Variants in RUNX1 observed in about 807,000 individuals in gnomAD.
RUNX1 encodes the protein runt-related transcription factor 1.
In RUNX1, 19 loss-of-function variants were observed where a neutral mutation model predicts 42.8. That is an observed-to-expected ratio of 0.44 (90% CI 0.31 to 0.65). The LOEUF (loss-of-function observed/expected upper bound fraction) is 0.65. Among genes scored for constraint, RUNX1 ranks in the 30% least tolerant of loss-of-function variants. The probability of loss-of-function intolerance (pLI) is 0.07; values close to 1 mark genes in which losing one functional copy is unlikely to be tolerated. For synonymous variants in RUNX1, 271 were observed against 289.4 expected (o/e 0.94, Z 0.64); for missense variants, 528 against 672.0 (o/e 0.79, Z 2.37).
intron 2 of RUNX1, among the ~76,000 whole-genome samples, chr21:35,046,324 A>G (rs1413144297): frequency 6.6e-6 from 1 of 152,118 alleles, no homozygotes; most frequent in Non-Finnish European, 1.5e-5. Flanking sequence ...CTTTCCCCCC[A>G]ATTTCCACAT....
intron 2 of RUNX1, among the ~76,000 whole-genome samples, chr21:34,955,292 G>C (rs1480970366): frequency 6.6e-6 from 1 of 151,848 alleles, no homozygotes; most frequent in East Asian, 1.9e-4. Context: ...GAGGATGATT[G>C]TTCTAAGCAG....
At chr21:34,805,605 T>C (rs1353195391) in intron 7 of RUNX1, among the ~76,000 whole-genome samples, 2 of 152,206 alleles carry the variant, frequency 1.3e-5, no homozygotes, top group African/African-American at 4.8e-5. Context: ...TACCAAACTA[T>C]TATTCTGCAT....
At chr21:34,940,034 T>C (rs1183431885) in intron 2 of RUNX1, among the ~76,000 whole-genome samples, 1 of 152,178 alleles carries the variant, frequency 6.6e-6, no homozygotes. Flanking sequence ...CCTCATAACT[T>C]TTCTGGATTC....
At position 35,038,611 on chromosome 21, in the gene RUNX1, CTCTG is replaced by C. The variant is rs1487538892; in HGVS notation, c.58+10227_58+10230del. On this transcript the variant is annotated intron_variant, in intron 2 of 8. Coordinates refer to ENST00000675419, the MANE Select transcript of RUNX1 (RefSeq NM_001754.5). ...TCTCTCTCTCTCTCTCTCTCTCTCTCTCTGTGTGTGTGTGTGTGTGTGTGTGTGT... is the reference window on the plus strand; with the variant it reads ...TCTCTCTCTCTCTCTCTCTCTCTCTCTGTGTGTGTGTGTGTGTGTGTGTGT... The C allele has an allele frequency of 3.2e-3, 958 of 301,436 alleles. 3 individuals carry two copies. Among genetic ancestry groups the C allele is most frequent in the East Asian group, 8.3e-3 (78 of 9,378 alleles). 18.7% of individuals were successfully genotyped at this position (301,436 alleles called of 1,614,324 possible).
chr21:34,810,041 G>C (rs147890439), intron 7 of RUNX1, among the ~76,000 whole-genome samples: 110 of 152,304 alleles, frequency 7.2e-4, no homozygotes, highest in African/African-American at 2.5e-3. Flanking sequence ...CCAGCTCTCT[G>C]TGCCCAAGTG....
chr21:34,991,099 T>A (rs889332640), intron 2 of RUNX1, among the ~76,000 whole-genome samples: 4 of 152,164 alleles, frequency 2.6e-5, no homozygotes, highest in Admixed American at 6.5e-5. Context: ...CCAGGAGCAA[T>A]GCTGGAAGCC....
chr21:34,828,912 A>T (rs1029446959), intron 7 of RUNX1, among the ~76,000 whole-genome samples: 2 of 152,234 alleles, frequency 1.3e-5, no homozygotes, highest in Admixed American at 6.5e-5. Flanking sequence ...ATAATATATA[A>T]GACTACGACA....
intron 5 of RUNX1, among the ~76,000 whole-genome samples, chr21:34,863,423 T>C (rs2057605404): frequency 6.6e-6 from 1 of 152,240 alleles, no homozygotes; most frequent in Non-Finnish European, 1.5e-5. Context: ...CTCTGGCAGT[T>C]GAGCACTCAT....
chr21:35,038,651 T>C (rs879076040), intron 2 of RUNX1: 2 of 401,606 alleles, frequency 5.0e-6, no homozygotes, highest in South Asian at 1.6e-5. Context: ...GTGTGTGAGA[T>C]AGAGAGAGAG....
intron 2 of RUNX1, among the ~76,000 whole-genome samples, chr21:34,951,592 A>C (rs576795916): frequency 3.3e-5 from 5 of 150,622 alleles, no homozygotes; most frequent in Non-Finnish European, 7.3e-5. Context: ...CACTTCCCAA[A>C]AGAAATTTAT....
At position 34,790,772 on chromosome 21, in the gene RUNX1, C is replaced by T. The variant is rs2056424056; in HGVS notation, c.*1363G>A. 1 of 233,194 alleles carries T rather than the reference C, an allele frequency of 4.3e-6. No individual in the cohort carries two copies. The highest frequency in any genetic ancestry group is 8.5e-6 in the Non-Finnish European group (1 of 118,082). The allele number at this position is 233,194 out of a possible 1,614,324, so 14.4% of individuals were successfully genotyped here. ...GAGGCACACAGAGGCAAATTGACTCCTCGAGGCCTGCTTCTGGTGGGCCCT... is the reference window on the plus strand; with the variant it reads ...GAGGCACACAGAGGCAAATTGACTCTTCGAGGCCTGCTTCTGGTGGGCCCT... On this transcript the variant is annotated 3_prime_UTR_variant, in exon 9 of 9. Coordinates refer to ENST00000675419, the MANE Select transcript of RUNX1 (RefSeq NM_001754.5).
intron 5 of RUNX1, among the ~76,000 whole-genome samples, chr21:34,878,607 G>C (rs188681331): frequency 6.6e-6 from 1 of 151,920 alleles, no homozygotes; most frequent in Non-Finnish European, 1.5e-5. Context: ...TACTTTTTGG[G>C]GTTTATGCAA....
rs118017343 is a variant in RUNX1 at position 34,954,839 on chromosome 21, G to A, written c.59-61876C>T. 6.5e-3 allele frequency among the ~76,000 whole-genome samples: 995 copies of A among 152,282 alleles called. 5 individuals carry two copies. The highest frequency in any genetic ancestry group is 0.01 in the Middle Eastern group (3 of 294). On this transcript the variant is annotated intron_variant, in intron 2 of 8. Transcript: ENST00000675419. ...GTCTTTGTGTGAGCAGGAAATAAGCGTTGGTGGTATGAAGACATTGAAACA... is the reference window on the plus strand; with the variant it reads ...GTCTTTGTGTGAGCAGGAAATAAGCATTGGTGGTATGAAGACATTGAAACA...
intron 2 of RUNX1, among the ~76,000 whole-genome samples, chr21:34,954,909 G>A (rs553409615): frequency 1.8e-4 from 28 of 152,282 alleles, no homozygotes; most frequent in African/African-American, 6.7e-4. Flanking sequence ...CTCTGATTTT[G>A]ACATTACTTC....
At chr21:34,793,345 A>G (rs970216534) in intron 8 of RUNX1, among the ~76,000 whole-genome samples, 4 of 152,178 alleles carry the variant, frequency 2.6e-5, no homozygotes, top group Non-Finnish European at 4.4e-5. Flanking sequence ...GTATAGCATA[A>G]TATGTATAGT....
rs967470570 is a variant in RUNX1, at chr21:34,788,898, G to T, written c.*3237C>A. The stretch of plus-strand genomic sequence containing the variant: ...AACCAACAAAAATAAAAATCATCAG[G>T]ACGGAATGTCCCAAAGAAACAGGTA... On this transcript the variant is annotated 3_prime_UTR_variant, in exon 9 of 9. Transcript: ENST00000675419. 1.3e-5 allele frequency: 3 copies of T among 233,126 alleles called. No individual in the cohort carries two copies. Among genetic ancestry groups the T allele is most frequent in the African/African-American group, 6.6e-5 (3 of 45,320 alleles). The allele number at this position is 233,126 out of a possible 1,614,324, so 14.4% of individuals were successfully genotyped here. A position where few individuals can be genotyped will look rare whatever the true frequency, so the allele number is the denominator to read the frequency against.
chr21:34,942,431 T>C (rs956070186), intron 2 of RUNX1, among the ~76,000 whole-genome samples: 1 of 152,238 alleles, frequency 6.6e-6, no homozygotes, highest in Admixed American at 6.5e-5. Context: ...GCAGGTTTCA[T>C]AGTCACTTGA....
chr21:34,804,804 G>A (rs540064634), intron 7 of RUNX1, among the ~76,000 whole-genome samples: 11 of 150,668 alleles, frequency 7.3e-5, no homozygotes, highest in South Asian at 6.3e-4. Context: ...GTGCAGTGGC[G>A]CAATCTTGGC....
intron 5 of RUNX1, among the ~76,000 whole-genome samples, chr21:34,865,769 A>G (rs2057652863): frequency 6.6e-6 from 1 of 152,192 alleles, no homozygotes; most frequent in East Asian, 1.9e-4. Context: ...TCCTCACCAC[A>G]TCTGGGAAGT....
Sources: allele counts gnomAD v4.1 joint callset (sites outside exome capture counted in the v4.1 genomes callset), GRCh38; gene constraint gnomAD v4.1.1; transcripts MANE v1.5; gene names NCBI Gene and HGNC (gene_info 2026-07-23, HGNC 2026-07-21).